FOLH1: variants seen among roughly 807,000 people sequenced by gnomAD.
The protein encoded by FOLH1 is glutamate carboxypeptidase 2.
In FOLH1, 54 loss-of-function variants were observed where a neutral mutation model predicts 93.9. The observed-to-expected ratio is 0.57, with a 90% confidence interval of 0.46 to 0.72. The LOEUF (loss-of-function observed/expected upper bound fraction) is 0.72, where lower values mean the gene tolerates loss of function less well. Among genes scored for constraint, FOLH1 ranks in the 30% least tolerant of loss-of-function variants. The pLI is 0.00. For synonymous variants in FOLH1, 249 were observed against 303.6 expected (o/e 0.82, Z 1.87); for missense variants, 571 against 892.5 (o/e 0.64, Z 4.59).
intron 17 of FOLH1, among the ~76,000 whole-genome samples, chr11:49,151,166 T>C (rs1856471978): frequency 6.6e-6 from 1 of 152,166 alleles, no homozygotes; most frequent in African/African-American, 2.4e-5. Context: ...CAACTTAAAC[T>C]CCCATAATTT....
In FOLH1 at chr11:49,181,147, G is replaced by A. The variant is rs563927456; in HGVS notation, c.920+2002C>T. On this transcript the variant is annotated intron_variant, in intron 7 of 18. Coordinates refer to ENST00000256999, the MANE Select transcript of FOLH1 (RefSeq NM_004476.3). Reference sequence around the variant, plus strand: ...TTTTGAGACGGAGTCTCACTCTGTCGCCCAGGCTAGAATGCAGTGGCGCGA... The same window carrying A: ...TTTTGAGACGGAGTCTCACTCTGTCACCCAGGCTAGAATGCAGTGGCGCGA... Among the ~76,000 whole-genome samples, 41 of 144,026 alleles carry A rather than the reference G, an allele frequency of 2.8e-4. 1 individual carries two copies. The Admixed American group carries it at 2.9e-3, about 10-fold the overall frequency. The allele number at this position is 144,026 out of a possible 152,430, so 94.5% of individuals were successfully genotyped here.
intron 17 of FOLH1, 50 bp from the exon 18 acceptor site, chr11:49,148,781 C>T (rs1473149530): frequency 2.0e-6 from 3 of 1,475,266 alleles, no homozygotes; most frequent in East Asian, 2.4e-5. Flanking sequence ...TATGTTTCTA[C>T]TCAGAAAATA....
chr11:49,190,247 G>C (rs1477817651), intron 4 of FOLH1, among the ~76,000 whole-genome samples: 1 of 152,158 alleles, frequency 6.6e-6, no homozygotes, highest in Non-Finnish European at 1.5e-5. Flanking sequence ...AACTGTGAGG[G>C]AGAGAAAACT....
At chr11:49,151,728 G>T (rs1856533112) in intron 17 of FOLH1, among the ~76,000 whole-genome samples, 1 of 152,186 alleles carries the variant, frequency 6.6e-6, no homozygotes, top group South Asian at 2.1e-4. Context: ...AGGGGAAGCT[G>T]AGTGTGCCAA....
chr11:49,149,877 T>C (rs1856286526), intron 17 of FOLH1, among the ~76,000 whole-genome samples: 1 of 152,184 alleles, frequency 6.6e-6, no homozygotes, highest in African/African-American at 2.4e-5. Context: ...TTTGGCAAAA[T>C]AAAAAGTTTT....
rs1200909005 is a variant in FOLH1 at position 49,174,876 on chromosome 11, C to T, written c.1105+16G>A. The stretch of plus-strand genomic sequence containing the variant: ...AGTTACTTGATCAATATTTGCTAAG[C>T]AAACGATTCCTTTACCTGGTTCCAC... On this transcript the variant is annotated intron_variant, in intron 9 of 18. Coordinates refer to ENST00000256999, the MANE Select transcript of FOLH1 (RefSeq NM_004476.3). The T allele has an allele frequency of 6.3e-7, 1 of 1,590,094 alleles. No individual in the cohort carries two copies. The highest frequency in any genetic ancestry group is 8.6e-7 in the Non-Finnish European group (1 of 1,163,590).
At chr11:49,166,798 AAT>A (rs1858463491) in intron 12 of FOLH1, among the ~76,000 whole-genome samples, 1 of 152,198 alleles carries the variant, frequency 6.6e-6, no homozygotes. Context: ...CGATTTTGAA[AAT>A]TATAGAGACA....
chr11:49,194,318 T>C (rs1862403897), intron 3 of FOLH1, among the ~76,000 whole-genome samples: 1 of 151,922 alleles, frequency 6.6e-6, no homozygotes, highest in Admixed American at 6.6e-5. Flanking sequence ...AAATATTTAT[T>C]TTAAAGCAGT....
intron 14 of FOLH1, among the ~76,000 whole-genome samples, chr11:49,157,089 A>G (rs1445521583): frequency 6.6e-6 from 1 of 152,110 alleles, no homozygotes; most frequent in Non-Finnish European, 1.5e-5. Context: ...TCCATTTATC[A>G]TCTTTATTTG....
At position 49,166,155 on chromosome 11, in the gene FOLH1, C is replaced by T. The variant is rs879363162; in HGVS notation, c.1373-1383G>A. Among the ~76,000 whole-genome samples the T allele has an allele frequency of 3.3e-3, 501 of 149,724 alleles. 4 individuals carry two copies. The highest frequency in any genetic ancestry group is 5.2e-3 in the Non-Finnish European group (347 of 67,030). Reference sequence around the variant, plus strand: ...GTAGTGTTTGTTTTTTAAGTGAAACCGAGATATGTGCTGATATGGAAAGTT... The same window carrying T: ...GTAGTGTTTGTTTTTTAAGTGAAACTGAGATATGTGCTGATATGGAAAGTT... On this transcript the variant is annotated intron_variant, in intron 12 of 18. Transcript: ENST00000256999.
chr11:49,185,764 T>C lies in FOLH1; in HGVS notation c.731A>G (p.Asp244Gly). The C allele has an allele frequency of 6.2e-7, 1 of 1,612,376 alleles. No individual in the cohort carries two copies. The highest frequency in any genetic ancestry group is 8.5e-7 in the Non-Finnish European group (1 of 1,179,300). ...YFAPGVKSYP[D>G]GWNLPGGGVQ... ...ACCACCTCCAGGAAGATTCCAACCA[T>C]CTGGATAGGACTTCACCCCAGGAGC... is the stretch of plus-strand genomic sequence containing the variant. Residue 244 changes from aspartate (D) to glycine (G), a missense_variant, in exon 6 of 19, where the codon GAT becomes GGT. Asp to Gly is a moderately conservative substitution (Grantham distance 94). This residue lies in a region of FOLH1 where 500 missense variants were observed against 822.9 expected (regional missense o/e 0.61). Coordinates refer to ENST00000256999, the MANE Select transcript of FOLH1 (RefSeq NM_004476.3).
chr11:49,194,132 CA>C (rs55656827), intron 3 of FOLH1, among the ~76,000 whole-genome samples: 4,091 of 71,648 alleles, frequency 0.057, 36 homozygotes, highest in African/African-American at 0.11. Flanking sequence ...GCCTGGGTGA[CA>C]AAAAAAAAAA....
At chr11:49,153,578 G>T (rs574159009) in intron 17 of FOLH1, among the ~76,000 whole-genome samples, 1 of 152,076 alleles carries the variant, frequency 6.6e-6, no homozygotes, top group African/African-American at 2.4e-5. Context: ...TCAGAATGTC[G>T]AAAGTAGGTC....
At chr11:49,164,644 T>C (rs1163685116) in intron 13 of FOLH1, 61 bp downstream of exon 13, 1 of 1,182,836 alleles carries the variant, frequency 8.5e-7, no homozygotes, top group Non-Finnish European at 1.2e-6. Context: ...TTTAACATAA[T>C]ACCTCAAGAA....
intron 3 of FOLH1, among the ~76,000 whole-genome samples, chr11:49,193,492 T>C (rs1407420479): frequency 6.6e-6 from 1 of 152,160 alleles, no homozygotes; most frequent in Non-Finnish European, 1.5e-5. Flanking sequence ...ATCATTATAA[T>C]AGTGCTTAGA....
Position 49,192,834 on chromosome 11 carries a change from C to T in FOLH1, c.472G>A (p.Val158Ile), listed in dbSNP as rs1565201774. ...GGAGAGAAAGCACTGAAAGGTGGTACAATATCCGAAACATTTTCATATCCT... is the reference window on the plus strand; with the variant it reads ...GGAGAGAAAGCACTGAAAGGTGGTATAATATCCGAAACATTTTCATATCCT... ...PPGYENVSDI[V>I]PPFSAFSPQG... is the part of the protein sequence containing the mutation. The change falls in exon 4 of 19, where the codon GTA (valine) becomes ATA (isoleucine). Residue 158 changes from valine (V) to isoleucine (I), a missense_variant. Transcript: ENST00000256999. 6.2e-7 allele frequency: 1 copy of T among 1,607,306 alleles called. No individual in the cohort carries two copies. The highest frequency in any genetic ancestry group is 2.2e-5 in the East Asian group (1 of 44,546).
chr11:49,155,822 AT>A (rs1856958581), intron 15 of FOLH1, among the ~76,000 whole-genome samples: 2 of 134,084 alleles, frequency 1.5e-5, no homozygotes, highest in African/African-American at 2.7e-5. Flanking sequence ...ATATATATAT[AT>A]ATATATATAT....
At chr11:49,155,836 A>ATATATATATATATAT (rs58724476) in intron 15 of FOLH1, among the ~76,000 whole-genome samples, 1 of 121,502 alleles carries the variant, frequency 8.2e-6, no homozygotes, top group African/African-American at 3.1e-5. Flanking sequence ...ATATATATAT[A>ATATATATATATATAT]ATCAACAACA....
In FOLH1 at chr11:49,198,940, TA is replaced by T. The variant is rs1264319780; in HGVS notation, c.411+1314del. ...ATAATATTTTTTAAAGTTATATTGT[TA>T]ACTACTATGATTGAGAACAGTAGTT... On this transcript the variant is annotated intron_variant, in intron 3 of 18. Coordinates refer to ENST00000256999, the MANE Select transcript of FOLH1 (RefSeq NM_004476.3). 4.6e-5 allele frequency among the ~76,000 whole-genome samples: 7 copies of T among 152,188 alleles called. No homozygotes were observed. In the East Asian group the frequency reaches 1.4e-3, roughly 29 times the overall value.
Sources: allele counts gnomAD v4.1 joint callset (sites outside exome capture counted in the v4.1 genomes callset), GRCh38; gene constraint gnomAD v4.1.1; regional missense constraint gnomAD v4.1.1; transcripts MANE v1.5; gene names NCBI Gene and HGNC (gene_info 2026-07-23, HGNC 2026-07-21).